The following PTPRQ variants were observed in gnomAD, a reference collection of about 807,000 sequenced individuals.
The protein encoded by PTPRQ is protein tyrosine phosphatase receptor type Q, also known as phosphatidylinositol phosphatase PTPRQ.
In PTPRQ, 199 loss-of-function variants were observed where a neutral mutation model predicts 246.0. The ratio of observed to expected loss-of-function variants is 0.81; its 90% CI spans 0.72 to 0.91. PTPRQ has a LOEUF of 0.91. PTPRQ is among the 40% of genes least tolerant of loss of function. The pLI is 0.00. For missense variants in PTPRQ, 2,624 were observed against 2,528.4 expected (o/e 1.04, Z -0.81); for synonymous variants, 869 against 853.2 (o/e 1.02, Z -0.32).
At chr12:80,494,088 A>G (rs1265881434) in intron 10 of PTPRQ, among the ~76,000 whole-genome samples, 1 of 152,026 alleles carries the variant, frequency 6.6e-6, no homozygotes, top group Non-Finnish European at 1.5e-5. Flanking sequence ...TGTCCCATTC[A>G]AAATTAAAAG....
chr12:80,643,938 C>G (rs570499990), intron 35 of PTPRQ, among the ~76,000 whole-genome samples: 1 of 152,164 alleles, frequency 6.6e-6, no homozygotes, highest in Middle Eastern at 3.4e-3. Flanking sequence ...ATTTGAGATT[C>G]TTTTATTTTT....
chr12:80,478,764 G>A (rs1565732893), intron 8 of PTPRQ, among the ~76,000 whole-genome samples: 1 of 152,184 alleles, frequency 6.6e-6, no homozygotes, highest in African/African-American at 2.4e-5. Context: ...TCAACTGGAA[G>A]AAAGGGTATC....
At chr12:80,678,822 A>T in intron 44 of PTPRQ, 97 bp downstream of exon 44, 1 of 1,450,180 alleles carries the variant, frequency 6.9e-7, no homozygotes, top group South Asian at 1.6e-5. Context: ...ATGTTTAAGA[A>T]GCTGGATTAG....
At chr12:80,545,285 GA>G (rs1310490501) in intron 23 of PTPRQ, among the ~76,000 whole-genome samples, 1 of 152,068 alleles carries the variant, frequency 6.6e-6, no homozygotes, top group Non-Finnish European at 1.5e-5. Flanking sequence ...AAGCAGGAAA[GA>G]ATGACTGAAA....
At chr12:80,525,508 G>C (rs1266224047) in intron 17 of PTPRQ, among the ~76,000 whole-genome samples, 1 of 152,170 alleles carries the variant, frequency 6.6e-6, no homozygotes, top group African/African-American at 2.4e-5. Flanking sequence ...CTTGAAGCCA[G>C]AATAAGAAGT....
At chr12:80,479,583 A>G (rs1191117151) in intron 8 of PTPRQ, among the ~76,000 whole-genome samples, 1 of 144,804 alleles carries the variant, frequency 6.9e-6, no homozygotes, top group Non-Finnish European at 1.5e-5. Context: ...CAGACTGGCA[A>G]ATTGGATAAA....
chr12:80,552,728 A>G lies in PTPRQ; in HGVS notation c.4285+2994A>G, dbSNP rs577677790. Among the ~76,000 whole-genome samples, 13 of 143,724 alleles carry G rather than the reference A, an allele frequency of 9.0e-5. No individual in the cohort carries two copies. The South Asian group carries it at 2.4e-3, about 27-fold the overall frequency. The allele number at this position is 143,724 out of a possible 152,430, so 94.3% of individuals were successfully genotyped here. ...TTGAATTCCGTCTTAACTCAGGATT[A>G]AAAGGCAACATATGTAGAGATTGAG... On this transcript the variant is annotated intron_variant, in intron 25 of 44. Coordinates refer to ENST00000644991, the MANE Select transcript of PTPRQ (RefSeq NM_001145026.2).
intron 28 of PTPRQ, among the ~76,000 whole-genome samples, chr12:80,611,626 A>T (rs1437582325): frequency 6.7e-6 from 1 of 150,326 alleles, no homozygotes; most frequent in African/African-American, 2.4e-5. Flanking sequence ...ATTGTTTGTC[A>T]AATCTTAATG....
At chr12:80,475,538 C>A (rs983009743) in intron 8 of PTPRQ, among the ~76,000 whole-genome samples, 1 of 151,912 alleles carries the variant, frequency 6.6e-6, no homozygotes, top group Non-Finnish European at 1.5e-5. Context: ...AATTTTGTAT[C>A]AATATTAAAG....
rs538199560 is a variant in PTPRQ at position 80,510,859 on chromosome 12, G to T, written c.2678+416G>T. ...ATTTTTAAAGAAATCTGTTATTTAA[G>T]GTCAATTTTTAATTTGAAATGTAAA... is the stretch of plus-strand genomic sequence containing the variant. On this transcript the variant is annotated intron_variant, in intron 17 of 44. Coordinates refer to ENST00000644991, the MANE Select transcript of PTPRQ (RefSeq NM_001145026.2). Among the ~76,000 whole-genome samples the T allele has an allele frequency of 5.3e-5, 8 of 152,070 alleles. No homozygotes were observed. In the South Asian group the frequency reaches 1.7e-3, roughly 32 times the overall value.
intron 30 of PTPRQ, 129 bp downstream of exon 30, chr12:80,616,395 T>C: frequency 3.9e-6 from 3 of 763,310 alleles, no homozygotes; most frequent in Non-Finnish European, 5.4e-6. Context: ...ACATACTAAG[T>C]AAAAATGTGT....
At chr12:80,480,234 C>G (rs1276102729) in intron 8 of PTPRQ, among the ~76,000 whole-genome samples, 1 of 152,148 alleles carries the variant, frequency 6.6e-6, no homozygotes, top group Admixed American at 6.5e-5. Context: ...CAAAACTGCT[C>G]AACTTCATGG....
chr12:80,548,064 A>C (rs1448013149), intron 24 of PTPRQ, among the ~76,000 whole-genome samples: 1 of 152,204 alleles, frequency 6.6e-6, no homozygotes, highest in Non-Finnish European at 1.5e-5. Flanking sequence ...TAAATAAAAA[A>C]ATATTTTAAT....
At chr12:80,545,853 C>T (rs1009511578) in intron 23 of PTPRQ, among the ~76,000 whole-genome samples, 11 of 150,558 alleles carry the variant, frequency 7.3e-5, no homozygotes, top group African/African-American at 2.7e-4. Context: ...TAAATTTACA[C>T]AGGAATGCTG....
chr12:80,675,567 G>A (rs11114563), intron 43 of PTPRQ, among the ~76,000 whole-genome samples: 25,953 of 152,076 alleles, frequency 0.17, 2,975 homozygotes, highest in Non-Finnish European at 0.25. Context: ...TGGAACTGAC[G>A]GTTTCCTTCT....
chr12:80,509,047 T>G (rs1895048203), intron 16 of PTPRQ, among the ~76,000 whole-genome samples: 1 of 152,064 alleles, frequency 6.6e-6, no homozygotes, highest in Non-Finnish European at 1.5e-5. Context: ...GAAAGAGAAT[T>G]TTCAGAGATA....
chr12:80,449,141 T>C (rs1892655605), intron 3 of PTPRQ, among the ~76,000 whole-genome samples: 1 of 151,392 alleles, frequency 6.6e-6, no homozygotes, highest in African/African-American at 2.4e-5. Context: ...CTGAGCATTT[T>C]TTCATGTGTT....
Position 80,581,039 on chromosome 12 carries a change from A to G in PTPRQ, c.4286-7090A>G, listed in dbSNP as rs566446841. On this transcript the variant is annotated intron_variant, in intron 25 of 44. Coordinates refer to ENST00000644991, the MANE Select transcript of PTPRQ (RefSeq NM_001145026.2). The stretch of plus-strand genomic sequence containing the variant: ...AATTTGCTAGTAACAAACACCAGCT[A>G]TCCTAAAATCTGAACATTGGAGGAA... Among the ~76,000 whole-genome samples the G allele has an allele frequency of 1.4e-4, 21 of 152,332 alleles. No homozygotes were observed. The East Asian group carries it at 4.1e-3, about 29-fold the overall frequency.
rs551943763 is a variant in PTPRQ at position 80,528,084 on chromosome 12, C to A, written c.2679-5931C>A. Among the ~76,000 whole-genome samples the A allele has an allele frequency of 1.7e-4, 26 of 152,240 alleles. No individual in the cohort carries two copies. The South Asian group carries it at 5.4e-3, about 32-fold the overall frequency. On this transcript the variant is annotated intron_variant, in intron 17 of 44. Coordinates refer to ENST00000644991, the MANE Select transcript of PTPRQ (RefSeq NM_001145026.2). The stretch of plus-strand genomic sequence containing the variant: ...CCAGCCTGGGTCACAGAGTGAGACT[C>A]TGTCTCATAAATAAATAAATAAATA...
Sources: allele counts gnomAD v4.1 joint callset (sites outside exome capture counted in the v4.1 genomes callset), GRCh38; gene constraint gnomAD v4.1.1; transcripts MANE v1.5; gene names NCBI Gene and HGNC (gene_info 2026-07-23, HGNC 2026-07-21).